The following TYMS variants were observed in gnomAD, a reference collection of about 807,000 sequenced individuals.
The protein encoded by TYMS is thymidylate synthase.
In TYMS, 21 loss-of-function variants were observed where a neutral mutation model predicts 39.3. The ratio of observed to expected loss-of-function variants is 0.54; its 90% CI spans 0.38 to 0.77. TYMS has a LOEUF of 0.77. TYMS is among the 30% of genes least tolerant of loss of function. TYMS has a pLI of 0.00. For missense variants in TYMS, 273 were observed against 406.7 expected (o/e 0.67, Z 2.83); for synonymous variants, 171 against 162.2 (o/e 1.05, Z -0.41).
At chr18:670,601 T>A in intron 4 of TYMS, 91 bp from the exon 5 acceptor site, 1 of 1,402,802 alleles carries the variant, frequency 7.1e-7, no homozygotes, top group African/African-American at 1.4e-5. Context: ...ACCATATGAG[T>A]TGGCTTCTGT....
At chr18:662,638 A>G (rs1009481091) in intron 3 of TYMS, among the ~76,000 whole-genome samples, 1 of 151,292 alleles carries the variant, frequency 6.6e-6, no homozygotes, top group African/African-American at 2.4e-5. Context: ...AGCATCAGGT[A>G]TATCTCCCAA....
Position 670,744 on chromosome 18 carries a change from G to C in TYMS, c.609G>C (p.Val203=). The C allele has an allele frequency of 6.2e-7, 1 of 1,614,120 alleles. No homozygotes were observed. The highest frequency in any genetic ancestry group is 1.3e-5 in the African/African-American group (1 of 75,022). ...GCCATGCCCTCTGCCAGTTCTATGT[G>C]GTGAACAGTGAGCTGTCCTGCCAGC... ...PPCHALCQFY[V]VNSELSCQLY... Residue 203 remains valine (V), a synonymous_variant, in exon 5 of 7, where the codon GTG becomes GTC. Transcript: ENST00000323274.
intron 3 of TYMS, among the ~76,000 whole-genome samples, chr18:662,698 T>C (rs960420817): frequency 8.6e-5 from 13 of 151,410 alleles, no homozygotes; most frequent in Non-Finnish European, 1.5e-4. Context: ...CAGAGTGTGA[T>C]GTTCCCCTTC....
intron 5 of TYMS, 43 bp from the exon 6 acceptor site, chr18:671,337 T>C (rs749789548): frequency 1.4e-5 from 18 of 1,276,978 alleles, no homozygotes; most frequent in Admixed American, 3.4e-5. Flanking sequence ...TTTTAAAGAA[T>C]TGAAACTAAC....
rs137931067 is a variant in TYMS, at chr18:671,840, T to C, written c.804+389T>C. 233 of 217,570 alleles carry C rather than the reference T, an allele frequency of 1.1e-3. No homozygotes were observed. The East Asian group carries it at 0.014, about 13-fold the overall frequency. 13.5% of individuals were successfully genotyped at this position (217,570 alleles called of 1,614,324 possible). A position where few individuals can be genotyped will look rare whatever the true frequency, so the allele number is the denominator to read the frequency against. Reference sequence around the variant, plus strand: ...TCGGCCAGGCTGGAGTGTGCCGTGGTGCGATCTCAGCTCACTGCAACCTCC... The same window carrying C: ...TCGGCCAGGCTGGAGTGTGCCGTGGCGCGATCTCAGCTCACTGCAACCTCC... On this transcript the variant is annotated intron_variant, in intron 6 of 6. Transcript: ENST00000323274.
chr18:666,715 C>G (rs1223463555), intron 3 of TYMS, among the ~76,000 whole-genome samples: 1 of 152,196 alleles, frequency 6.6e-6, no homozygotes, highest in African/African-American at 2.4e-5. Flanking sequence ...GTCATGAGAT[C>G]TGTTAAATGT....
At position 657,730 on chromosome 18, in the gene TYMS, C is replaced by CGCGCCACTTCGCCTGCCTCCGTCCCCA; in HGVS notation, c.-11_-10insGCCACTTCGCCTGCCTCCGTCCCCAGC. On this transcript the variant is annotated 5_prime_UTR_variant, in exon 1 of 7. Coordinates refer to ENST00000323274, the MANE Select transcript of TYMS (RefSeq NM_001071.4). ...CGCCACTTCGCCTGCCTCCGTCCCC[C>CGCGCCACTTCGCCTGCCTCCGTCCCCA]GCCCGCCGCGCCATGCCTGTGGCCG... is the stretch of plus-strand genomic sequence containing the variant. The CGCGCCACTTCGCCTGCCTCCGTCCCCA allele has an allele frequency of 1.5e-6, 2 of 1,336,248 alleles. No homozygotes were observed. Among genetic ancestry groups the CGCGCCACTTCGCCTGCCTCCGTCCCCA allele is most frequent in the Non-Finnish European group, 1.9e-6 (2 of 1,051,428 alleles). 82.8% of individuals were successfully genotyped at this position (1,336,248 alleles called of 1,614,324 possible). A position where few individuals can be genotyped will look rare whatever the true frequency, so the allele number is the denominator to read the frequency against.
intron 3 of TYMS, among the ~76,000 whole-genome samples, chr18:666,907 G>GA (rs1414036373): frequency 6.1e-5 from 3 of 49,054 alleles, no homozygotes; most frequent in African/African-American, 4.2e-5. Context: ...TGATGGAGAT[G>GA]GTGATGGTGA....
chr18:658,973 G>T lies in TYMS; in HGVS notation c.206-668G>T, dbSNP rs115954259. 0.021 allele frequency among the ~76,000 whole-genome samples: 3,224 copies of T among 152,260 alleles called. 110 individuals carry two copies. The highest frequency in any genetic ancestry group is 0.074 in the African/African-American group (3,068 of 41,528). Reference sequence around the variant, plus strand: ...GTGGGGAGTTTTGTCTGAGGAGAGGGATCCACTTTTCTGCAGCTCCAAGCC... The same window carrying T: ...GTGGGGAGTTTTGTCTGAGGAGAGGTATCCACTTTTCTGCAGCTCCAAGCC... On this transcript the variant is annotated intron_variant, in intron 1 of 6. Coordinates refer to ENST00000323274, the MANE Select transcript of TYMS (RefSeq NM_001071.4). The surrounding 1 kb of genome is among the most constrained non-coding windows in gnomAD (Gnocchi z 4.5).
rs975690726 is a variant in TYMS at position 660,210 on chromosome 18, C to T, written c.279+496C>T. ...CTGACCTTAGCTGCTGCTCTCTGCACCAGCCCTGCTGTTCTTGTGAGTTTT... is the reference window on the plus strand; with the variant it reads ...CTGACCTTAGCTGCTGCTCTCTGCATCAGCCCTGCTGTTCTTGTGAGTTTT... On this transcript the variant is annotated intron_variant, in intron 2 of 6. Transcript: ENST00000323274. This position sits in a 1 kb window ranked among gnomAD's most constrained non-coding sequence, Gnocchi z 4.6. Among the ~76,000 whole-genome samples, 1 of 152,208 alleles carries T rather than the reference C, an allele frequency of 6.6e-6. No individual in the cohort carries two copies. The highest frequency in any genetic ancestry group is 2.4e-5 in the African/African-American group (1 of 41,454).
chr18:668,319 T>C (rs1385088057), intron 3 of TYMS, among the ~76,000 whole-genome samples: 1 of 152,162 alleles, frequency 6.6e-6, no homozygotes, highest in African/African-American at 2.4e-5. Context: ...AACCAGAATA[T>C]AGTCTGACAC....
In TYMS at chr18:657,692, C is replaced by T. The variant is rs1237192353; in HGVS notation, c.-51C>T. The stretch of plus-strand genomic sequence containing the variant: ...CGTCCCGCCGCGCCACTTGGCCTGC[C>T]TCCGTCCCGCCGCGCCACTTCGCCT... On this transcript the variant is annotated 5_prime_UTR_variant, in exon 1 of 7. Coordinates refer to ENST00000323274, the MANE Select transcript of TYMS (RefSeq NM_001071.4). 2 of 1,265,842 alleles carry T rather than the reference C, an allele frequency of 1.6e-6. No homozygotes were observed. Among genetic ancestry groups the T allele is most frequent in the Non-Finnish European group, 1.0e-6 (1 of 993,426 alleles). The allele number at this position is 1,265,842 out of a possible 1,614,324, so 78.4% of individuals were successfully genotyped here. A position where few individuals can be genotyped will look rare whatever the true frequency, so the allele number is the denominator to read the frequency against.
chr18:673,488 T>C lies in TYMS; in HGVS notation c.*491T>C, dbSNP rs2075168813. On this transcript the variant is annotated 3_prime_UTR_variant, in exon 7 of 7. Coordinates refer to ENST00000323274, the MANE Select transcript of TYMS (RefSeq NM_001071.4). ...ATATGTTGCTATAATAAAGAAGTGT[T>C]CTGCATTCGTCCACGCTTTGTTCAT... 1 of 207,588 alleles carries C rather than the reference T, an allele frequency of 4.8e-6. No individual in the cohort carries two copies. The highest frequency in any genetic ancestry group is 2.3e-5 in the African/African-American group (1 of 43,786). 12.9% of individuals were successfully genotyped at this position (207,588 alleles called of 1,614,324 possible).
In TYMS at chr18:667,547, T is replaced by C. The variant is rs868287199; in HGVS notation, c.455-1525T>C. Among the ~76,000 whole-genome samples, 31 of 44,202 alleles carry C rather than the reference T, an allele frequency of 7.0e-4. 9 individuals carry two copies. The highest frequency in any genetic ancestry group is 5.9e-3 in the African/African-American group (28 of 4,764). 29.0% of individuals were successfully genotyped at this position (44,202 alleles called of 152,430 possible). ...GTGATGGAGATGGTGATGGTGATGG[T>C]GATGGAGATGGTGATGGTGATGGAG... On this transcript the variant is annotated intron_variant, in intron 3 of 6. Transcript: ENST00000323274.
At chr18:666,853 G>C (rs1293476299) in intron 3 of TYMS, among the ~76,000 whole-genome samples, 2 of 152,080 alleles carry the variant, frequency 1.3e-5, no homozygotes, top group Non-Finnish European at 2.9e-5. Flanking sequence ...TGTTTAATGG[G>C]CACAGAGGTT....
chr18:664,912 C>T (rs1367301601), intron 3 of TYMS, among the ~76,000 whole-genome samples: 1 of 142,308 alleles, frequency 7.0e-6, no homozygotes, highest in Non-Finnish European at 1.5e-5. Context: ...CTGCTGGATT[C>T]GGTTTGCCAG....
Position 672,894 on chromosome 18 carries a change from G to C in TYMS, c.839G>C (p.Arg280Thr). Residue 280 changes from arginine (R) to threonine (T), a missense_variant, in exon 7 of 7, where the codon AGG becomes ACG. Arg to Thr is a moderately conservative substitution (Grantham distance 71, BLOSUM62 -1). Coordinates refer to ENST00000323274, the MANE Select transcript of TYMS (RefSeq NM_001071.4). Reference protein sequence around the residue: ...QREPRPFPKLRILRKVEKIDD... With the variant: ...QREPRPFPKLTILRKVEKIDD... The stretch of plus-strand genomic sequence containing the variant: ...GAACCCAGACCTTTCCCAAAGCTCA[G>C]GATTCTTCGAAAAGTTGAGAAAATT... 6.3e-7 allele frequency: 1 copy of C among 1,596,010 alleles called. No homozygotes were observed. The highest frequency in any genetic ancestry group is 8.6e-7 in the Non-Finnish European group (1 of 1,165,918).
intron 3 of TYMS, among the ~76,000 whole-genome samples, chr18:666,893 ATGG>A (rs1372339359): frequency 0.13 from 9,208 of 68,358 alleles, 816 homozygotes; most frequent in Non-Finnish European, 0.15. Flanking sequence ...AGTTCGGGAG[ATGG>A]TGATGGAGAT....
At position 657,868 on chromosome 18, in the gene TYMS, C is replaced by T; in HGVS notation, c.126C>T (p.Arg42=). ...TGGGGCAGATCCAACACATCCTCCG[C>T]TGCGGCGTCAGGAAGGACGACCGCA... is the stretch of plus-strand genomic sequence containing the variant. ...QYLGQIQHIL[R]CGVRKDDRTG... Residue 42 remains arginine, a synonymous_variant, in exon 1 of 7, where the codon CGC becomes CGT. Transcript: ENST00000323274. The T allele has an allele frequency of 3.3e-6, 5 of 1,509,308 alleles. No individual in the cohort carries two copies. The highest frequency in any genetic ancestry group is 4.4e-6 in the Non-Finnish European group (5 of 1,135,800). The allele number at this position is 1,509,308 out of a possible 1,614,324, so 93.5% of individuals were successfully genotyped here. A position where few individuals can be genotyped will look rare whatever the true frequency, so the allele number is the denominator to read the frequency against.
Sources: gnomAD v4.1 joint callset for allele counts (sites outside exome capture counted in the v4.1 genomes callset) on GRCh38, gnomAD v4.1.1 for gene constraint, Gnocchi (gnomAD v3.1) non-coding constraint, MANE v1.5 for transcripts, NCBI Gene and HGNC (gene_info 2026-07-23, HGNC 2026-07-21) for gene names.